Variants in GNB1L observed in about 807,000 individuals in gnomAD.
The protein encoded by GNB1L is G protein subunit beta 1 like.
GNB1L carries 20 observed loss-of-function variants against 29.1 expected under a neutral mutation model. The ratio of observed to expected loss-of-function variants is 0.69; its 90% CI spans 0.48 to 1.00. The LOEUF is 1.00. Ranked by LOEUF, GNB1L falls within the 50% of genes least tolerant of loss-of-function variation. The pLI, the probability that GNB1L is intolerant of heterozygous loss-of-function variation, is 0.00. For missense variants in GNB1L, 421 were observed against 464.9 expected (o/e 0.91, Z 0.87); for synonymous variants, 193 against 206.5 (o/e 0.93, Z 0.56).
In GNB1L at chr22:19,847,804, C is replaced by CAAAAAAA. The variant is rs34331843; in HGVS notation, c.-21+6632_-21+6638dup. 198 of 612,072 alleles carry CAAAAAAA rather than the reference C, an allele frequency of 3.2e-4. 1 individual carries two copies. The highest frequency in any genetic ancestry group is 1.5e-3 in the African/African-American group (54 of 35,696). The allele number at this position is 612,072 out of a possible 1,614,324, so 37.9% of individuals were successfully genotyped here. ...ACTTTTAAAATCCTGGAATCATAGG[C>CAAAAAAA]AAAAAAAAAAAAAAAAAAAAATTCA... On this transcript the variant is annotated intron_variant, in intron 2 of 7. Coordinates refer to ENST00000329517, the MANE Select transcript of GNB1L (RefSeq NM_053004.3).
chr22:19,828,382 G>C (rs1195790295), intron 2 of GNB1L, among the ~76,000 whole-genome samples: 1 of 152,158 alleles, frequency 6.6e-6, no homozygotes, highest in Non-Finnish European at 1.5e-5. Flanking sequence ...TGCCAGGTGT[G>C]GTGGGCTCAC....
chr22:19,832,630 C>G (rs921900011), intron 2 of GNB1L, among the ~76,000 whole-genome samples: 1 of 152,328 alleles, frequency 6.6e-6, no homozygotes, highest in Admixed American at 6.5e-5. Flanking sequence ...CTGTCCCCCT[C>G]TCTCACGGTG....
chr22:19,800,101 G>C (rs1413456407), intron 7 of GNB1L, among the ~76,000 whole-genome samples: 2 of 152,236 alleles, frequency 1.3e-5, no homozygotes, highest in Non-Finnish European at 2.9e-5. Flanking sequence ...TCTCCCTTCT[G>C]CTCTCACTTT....
At chr22:19,804,592 C>T (rs1019154235) in intron 6 of GNB1L, among the ~76,000 whole-genome samples, 6 of 151,484 alleles carry the variant, frequency 4.0e-5, no homozygotes, top group African/African-American at 1.4e-4. Context: ...TGATTGCCCC[C>T]CAAAAAAAGA....
At chr22:19,820,232 C>T (rs1379342203) in intron 4 of GNB1L, among the ~76,000 whole-genome samples, 3 of 152,176 alleles carry the variant, frequency 2.0e-5, no homozygotes, top group Non-Finnish European at 4.4e-5. Context: ...CAAATGCCCT[C>T]ACCCCTGCCC....
chr22:19,811,738 T>G (rs1937502867), intron 5 of GNB1L, among the ~76,000 whole-genome samples: 1 of 152,106 alleles, frequency 6.6e-6, no homozygotes, highest in African/African-American at 2.4e-5. Flanking sequence ...CTGAGGACTG[T>G]GATCACCACC....
At chr22:19,851,349 C>T in intron 2 of GNB1L, 1 of 1,614,130 alleles carries the variant, frequency 6.2e-7, no homozygotes, top group Non-Finnish European at 8.5e-7. Flanking sequence ...TTAGCTGACT[C>T]CGACAGTCTA....
chr22:19,797,018 T>C (rs1221389506), intron 7 of GNB1L, among the ~76,000 whole-genome samples: 1 of 152,180 alleles, frequency 6.6e-6, no homozygotes, highest in Non-Finnish European at 1.5e-5. Flanking sequence ...CCTTCAGGAT[T>C]TGTATGCCCA....
chr22:19,801,966 C>T (rs1419899786), intron 7 of GNB1L, 35 bp downstream of exon 7: 5 of 1,481,812 alleles, frequency 3.4e-6, no homozygotes, highest in Non-Finnish European at 4.6e-6. Flanking sequence ...TAGTGCAGAG[C>T]AGGATAAATG....
intron 6 of GNB1L, among the ~76,000 whole-genome samples, chr22:19,805,521 G>A (rs1054545291): frequency 5.3e-5 from 8 of 151,724 alleles, no homozygotes; most frequent in African/African-American, 1.7e-4. Context: ...GGTGGCTCAC[G>A]CCTGTAATCC....
intron 4 of GNB1L, among the ~76,000 whole-genome samples, chr22:19,819,565 G>T (rs1368035302): frequency 6.6e-6 from 1 of 152,194 alleles, no homozygotes; most frequent in Non-Finnish European, 1.5e-5. Context: ...GTCACGGAGG[G>T]TAGGGTCACA....
At chr22:19,805,316 G>A (rs1937420914) in intron 6 of GNB1L, among the ~76,000 whole-genome samples, 1 of 152,214 alleles carries the variant, frequency 6.6e-6, no homozygotes, top group South Asian at 2.1e-4. Context: ...AAAAGCTGGG[G>A]GCAGGGACTC....
Position 19,785,022 on chromosome 22 carries a change from A to G in GNB1L, c.*3687T>C, listed in dbSNP as rs1253207375. 6.6e-6 allele frequency: 1 copy of G among 152,234 alleles called. No individual in the cohort carries two copies. Among genetic ancestry groups the G allele is most frequent in the African/African-American group, 2.4e-5 (1 of 41,456 alleles). 9.4% of individuals were successfully genotyped at this position (152,234 alleles called of 1,614,324 possible). On this transcript the variant is annotated 3_prime_UTR_variant, in exon 8 of 8. Coordinates refer to ENST00000329517, the MANE Select transcript of GNB1L (RefSeq NM_053004.3). The surrounding 1 kb of genome is among the most constrained non-coding windows in gnomAD (Gnocchi z 4.1). Reference sequence around the variant, plus strand: ...AGCCCCCAGCCGCGCTGCCACCCTGACGCAGCCTTGTGGGGCCCTGAGCAG... The same window carrying G: ...AGCCCCCAGCCGCGCTGCCACCCTGGCGCAGCCTTGTGGGGCCCTGAGCAG...
chr22:19,847,275 G>A (rs903756600), intron 2 of GNB1L: 8 of 984,242 alleles, frequency 8.1e-6, no homozygotes, highest in East Asian at 2.3e-4. Context: ...TAGCCGCTGC[G>A]CTGTTGGAGA....
chr22:19,837,502 G>A (rs76472335), intron 2 of GNB1L, among the ~76,000 whole-genome samples: 79 of 152,302 alleles, frequency 5.2e-4, no homozygotes, highest in African/African-American at 1.9e-3. Context: ...AACATCTTTA[G>A]TCGCTAGGAA....
chr22:19,805,878 C>A (rs957393451), intron 6 of GNB1L, among the ~76,000 whole-genome samples: 1 of 152,314 alleles, frequency 6.6e-6, no homozygotes, highest in South Asian at 2.1e-4. Flanking sequence ...CGTGGGCTTC[C>A]GAGGCAGCTC....
chr22:19,836,880 TA>T (rs200082197), intron 2 of GNB1L, among the ~76,000 whole-genome samples: 25 of 151,792 alleles, frequency 1.6e-4, no homozygotes, highest in African/African-American at 6.1e-4. Context: ...TCATGATTTT[TA>T]AAAAAACCCT....
At chr22:19,789,280 C>T (rs1937225596) in intron 7 of GNB1L, among the ~76,000 whole-genome samples, 1 of 152,190 alleles carries the variant, frequency 6.6e-6, no homozygotes, top group African/African-American at 2.4e-5. Flanking sequence ...GACCCCTCAC[C>T]CCAGGGAAGC....
chr22:19,839,914 T>G (rs940549450), intron 2 of GNB1L, among the ~76,000 whole-genome samples: 12 of 151,286 alleles, frequency 7.9e-5, no homozygotes, highest in African/African-American at 2.2e-4. Context: ...ATAATAATAA[T>G]AAGCCAGGTG....
Sources: gnomAD v4.1 joint callset for allele counts (sites outside exome capture counted in the v4.1 genomes callset) on GRCh38, gnomAD v4.1.1 for gene constraint, Gnocchi (gnomAD v3.1) non-coding constraint, MANE v1.5 for transcripts, NCBI Gene and HGNC (gene_info 2026-07-23, HGNC 2026-07-21) for gene names.